Variants in B4GALNT2 observed in about 807,000 individuals in gnomAD.
B4GALNT2 encodes beta-1,4-N-acetyl-galactosaminyltransferase 2 (SID blood group), also known as N-acetylneuraminylgalactosylglucosyl-glucoside beta-1,4-N- acetylgalactosaminyltransferase 2.
A neutral mutation model predicts 51.1 loss-of-function variants in B4GALNT2; 42 were observed. The observed-to-expected ratio is 0.82, with a 90% CI of 0.64 to 1.06. B4GALNT2 has a LOEUF of 1.06. B4GALNT2 is among the 50% of genes least tolerant of loss of function. B4GALNT2 has a pLI of 0.00. For missense variants in B4GALNT2, 602 were observed against 633.6 expected, an observed-to-expected ratio of 0.95 and a Z score of 0.54; for synonymous variants, 253 against 251.7, an observed-to-expected ratio of 1.01 and a Z score of -0.05.
rs375434658 is a variant in B4GALNT2, at chr17:49,152,777, C to T, written c.354-23C>T. The T allele has an allele frequency of 6.7e-4, 1,013 of 1,521,838 alleles. 2 individuals carry two copies. Among genetic ancestry groups the T allele is most frequent in the Non-Finnish European group, 8.0e-4 (895 of 1,117,862 alleles). 94.3% of individuals were successfully genotyped at this position (1,521,838 alleles called of 1,614,324 possible). A position where few individuals can be genotyped will look rare whatever the true frequency, so the allele number is the denominator to read the frequency against. On this transcript the variant is annotated intron_variant, in intron 3 of 10. Coordinates refer to ENST00000393354, the MANE Select transcript of B4GALNT2 (RefSeq NM_001159387.2). ...GGACCAGCATCAGGGCAGCTGCTGA[C>T]GTTTCTGTTCTCCTTCCTGCAGAGA...
At chr17:49,138,056 G>A (rs2042605877) in intron 1 of B4GALNT2, among the ~76,000 whole-genome samples, 1 of 152,200 alleles carries the variant, frequency 6.6e-6, no homozygotes, top group Non-Finnish European at 1.5e-5. Context: ...AATAAACCAT[G>A]TAAGGTCTAG....
In B4GALNT2 at chr17:49,139,395, T is replaced by C. The variant is rs113527607; in HGVS notation, c.15-1852T>C. Among the ~76,000 whole-genome samples the C allele has an allele frequency of 2.5e-3, 377 of 152,244 alleles. 6 individuals carry two copies. Among genetic ancestry groups the C allele is most frequent in the African/African-American group, 8.2e-3 (341 of 41,546 alleles). On this transcript the variant is annotated intron_variant, in intron 1 of 10. Coordinates refer to ENST00000393354, the MANE Select transcript of B4GALNT2 (RefSeq NM_001159387.2). ...CTGGGACCACAGGCCTGGGCCACCA[T>C]GCCCAGCTATTTTTTTTTTCAGTAG...
At chr17:49,149,054 C>CA (rs34268884) in intron 3 of B4GALNT2, 2,202 of 114,146 alleles carry the variant, frequency 0.019, 22 homozygotes, top group African/African-American at 0.042. Context: ...GACCTTGTCT[C>CA]AAAAAAAAAA....
rs1232328568 is a variant in B4GALNT2, at chr17:49,132,968, T to C, written c.14+162T>C. Reference sequence around the variant, plus strand: ...TCTTAAGTCCAACCGGTTCCCCGCATAGGTGGCTGCAGAGGCGAGGTGACG... The same window carrying C: ...TCTTAAGTCCAACCGGTTCCCCGCACAGGTGGCTGCAGAGGCGAGGTGACG... On this transcript the variant is annotated intron_variant, in intron 1 of 10. Coordinates refer to ENST00000393354, the MANE Select transcript of B4GALNT2 (RefSeq NM_001159387.2). 4.2e-6 allele frequency: 6 copies of C among 1,418,710 alleles called. No individual in the cohort carries two copies. The South Asian group carries it at 6.7e-5, about 16-fold the overall frequency. 87.9% of individuals were successfully genotyped at this position (1,418,710 alleles called of 1,614,324 possible).
rs533914071 is a variant in B4GALNT2 at position 49,158,924 on chromosome 17, C to G, written c.499-113C>G. 1.3e-3 allele frequency: 1,589 copies of G among 1,257,108 alleles called. 27 individuals are homozygous for G. In the South Asian group the frequency reaches 0.02, roughly 16 times the overall value. 77.9% of individuals were successfully genotyped at this position (1,257,108 alleles called of 1,614,324 possible). On this transcript the variant is annotated intron_variant, in intron 5 of 10. Coordinates refer to ENST00000393354, the MANE Select transcript of B4GALNT2 (RefSeq NM_001159387.2). ...CTGTCAAGGGCACCCTGGTGCTTCT[C>G]CCCTCACCCTTATGTGCTCTGCCCT...
the B4GALNT2 span, among the ~76,000 whole-genome samples, chr17:49,126,362 C>G: frequency 6.6e-6 from 1 of 152,082 alleles, no homozygotes; most frequent in Non-Finnish European, 1.5e-5. Context: ...ACAAACACTG[C>G]GGAAGGCTGC....
rs373183632 is a variant in B4GALNT2 at position 49,146,460 on chromosome 17, G to A, written c.353+4288G>A. Among the ~76,000 whole-genome samples, 7 of 152,220 alleles carry A rather than the reference G, an allele frequency of 4.6e-5. No individual in the cohort carries two copies. In the South Asian group the frequency reaches 8.3e-4, roughly 18 times the overall value. On this transcript the variant is annotated intron_variant, in intron 3 of 10. Transcript: ENST00000393354. The stretch of plus-strand genomic sequence containing the variant: ...CGAGTAGTTGGGATTAAAGGTGCAC[G>A]CCACCACTCCCTGTTAATTTTTGTA...
At position 49,147,849 on chromosome 17, in the gene B4GALNT2, A is replaced by ATGTG. The variant is rs145703535; in HGVS notation, c.354-4937_354-4934dup. On this transcript the variant is annotated intron_variant, in intron 3 of 10. Coordinates refer to ENST00000393354, the MANE Select transcript of B4GALNT2 (RefSeq NM_001159387.2). Reference sequence around the variant, plus strand: ...TTATATACATGTATGTTATATATATATGTGTGTGTGTGTGTGTATATATAT... The same window carrying ATGTG: ...TTATATACATGTATGTTATATATATATGTGTGTGTGTGTGTGTGTGTATATATAT... 2.5e-4 allele frequency among the ~76,000 whole-genome samples: 38 copies of ATGTG among 149,140 alleles called. No individual in the cohort carries two copies. The East Asian group carries it at 3.7e-3, about 15-fold the overall frequency.
At position 49,168,782 on chromosome 17, in the gene B4GALNT2, C is replaced by T; in HGVS notation, c.1197C>T (p.Pro399=). 1.2e-6 allele frequency: 2 copies of T among 1,614,086 alleles called. No homozygotes were observed. Among genetic ancestry groups the T allele is most frequent in the African/African-American group, 1.3e-5 (1 of 75,026 alleles). The part of the protein sequence containing the change: ...CLHKRMGFFQ[P]LDGFPSCVVT... Reference sequence around the variant, plus strand: ...ACAAGAGGATGGGATTTTTCCAACCCCTGGATGGCTTCCCCAGCTGCGTGG... The same window carrying T: ...ACAAGAGGATGGGATTTTTCCAACCTCTGGATGGCTTCCCCAGCTGCGTGG... The change falls in exon 10 of 11, where the codon CCC becomes CCT. Residue 399 remains proline, a synonymous_variant. Coordinates refer to ENST00000393354, the MANE Select transcript of B4GALNT2 (RefSeq NM_001159387.2).
At position 49,147,939 on chromosome 17, in the gene B4GALNT2, C is replaced by T. The variant is rs2042711927; in HGVS notation, c.354-4861C>T. Among the ~76,000 whole-genome samples the T allele has an allele frequency of 4.0e-5, 6 of 148,392 alleles. 1 individual carries two copies. In the South Asian group the frequency reaches 1.3e-3, roughly 32 times the overall value. On this transcript the variant is annotated intron_variant, in intron 3 of 10. Transcript: ENST00000393354. ...TGTACTTGGTACCATAAAAACAAAT[C>T]ACTCTGAAATTTGTTTTTTTATTCA...
chr17:49,144,844 G>C (rs980811962), intron 3 of B4GALNT2, among the ~76,000 whole-genome samples: 4 of 152,140 alleles, frequency 2.6e-5, no homozygotes. Flanking sequence ...CCCACAACAG[G>C]CTGTCTGCAA....
chr17:49,140,865 C>G (rs925404625), intron 1 of B4GALNT2, among the ~76,000 whole-genome samples: 1 of 151,920 alleles, frequency 6.6e-6, no homozygotes, highest in Non-Finnish European at 1.5e-5. Context: ...ACTACAGGCA[C>G]ACGCCACCAT....
chr17:49,168,573 A>G (rs1281006522), intron 9 of B4GALNT2, 108 bp from the exon 10 acceptor site: 2 of 1,073,016 alleles, frequency 1.9e-6, no homozygotes, highest in Admixed American at 2.1e-5. Flanking sequence ...TAGACAGAGA[A>G]ATAACAATTC....
chr17:49,152,558 C>T (rs957703630), intron 3 of B4GALNT2, among the ~76,000 whole-genome samples: 3 of 152,200 alleles, frequency 2.0e-5, no homozygotes, highest in African/African-American at 7.2e-5. Flanking sequence ...CTCCTATAAT[C>T]CCAGCTACTA....
chr17:49,142,827 G>T (rs1034473821), intron 3 of B4GALNT2, among the ~76,000 whole-genome samples: 12 of 152,180 alleles, frequency 7.9e-5, no homozygotes, highest in Admixed American at 7.9e-4. Context: ...TCACCAAGGT[G>T]CCCTATTTTA....
intron 3 of B4GALNT2, among the ~76,000 whole-genome samples, chr17:49,150,990 T>G (rs2042748900): frequency 6.6e-6 from 1 of 152,186 alleles, no homozygotes; most frequent in Admixed American, 6.5e-5. Context: ...TATGATGATC[T>G]AATCTTTTTT....
chr17:49,134,737 G>A (rs1216585941), intron 1 of B4GALNT2, among the ~76,000 whole-genome samples: 10 of 152,054 alleles, frequency 6.6e-5, no homozygotes, highest in Non-Finnish European at 1.3e-4. Flanking sequence ...ACAGGCGCAC[G>A]CCACCACGCC....
intron 3 of B4GALNT2, chr17:49,148,292 C>A (rs958605748): frequency 6.9e-5 from 23 of 332,930 alleles, no homozygotes; most frequent in African/African-American, 2.2e-5. Context: ...AGAGTGAGAT[C>A]CTGTCTCGAA....
At chr17:49,125,420 A>T in the B4GALNT2 span, among the ~76,000 whole-genome samples, 26 of 152,320 alleles carry the variant, frequency 1.7e-4, no homozygotes, top group East Asian at 5.8e-4. Flanking sequence ...TTGGCCTCCC[A>T]AAGTGCTGGG....
Sources: allele counts gnomAD v4.1 joint callset (sites outside exome capture counted in the v4.1 genomes callset), GRCh38; gene constraint gnomAD v4.1.1; transcripts MANE v1.5; gene names NCBI Gene and HGNC (gene_info 2026-07-23, HGNC 2026-07-21).